LIX1L: variants seen among roughly 807,000 people sequenced by gnomAD.
The protein encoded by LIX1L is LIX1-like protein.
In LIX1L, 20 loss-of-function variants were observed where a neutral mutation model predicts 34.0. The observed-to-expected ratio is 0.59, with a 90% CI of 0.41 to 0.85. The LOEUF (loss-of-function observed/expected upper bound fraction) is 0.85. LIX1L is among the 40% of genes least tolerant of loss of function. The pLI is 0.00. For missense variants in LIX1L, 397 were observed against 447.0 expected (o/e 0.89, Z 1.01); for synonymous variants, 170 against 187.4 (o/e 0.91, Z 0.76).
In LIX1L at chr1:145,946,187, A is replaced by T. The variant is rs190164337; in HGVS notation, c.456+1432T>A. 3.8e-3 allele frequency among the ~76,000 whole-genome samples: 579 copies of T among 151,050 alleles called. 5 individuals are homozygous for T. Among genetic ancestry groups the T allele is most frequent in the South Asian group, 0.027 (132 of 4,804 alleles). On this transcript the variant is annotated intron_variant, in intron 2 of 5. Transcript: ENST00000604000. Reference sequence around the variant, plus strand: ...CTTGGGTATATAGTTATTTCTCTGAAATGACTGAAGTTCTTTTTTTTTTTT... The same window carrying T: ...CTTGGGTATATAGTTATTTCTCTGATATGACTGAAGTTCTTTTTTTTTTTT...
chr1:145,945,549 C>T (rs1489477836), intron 2 of LIX1L, among the ~76,000 whole-genome samples: 1 of 150,798 alleles, frequency 6.6e-6, no homozygotes, highest in Non-Finnish European at 1.5e-5. Flanking sequence ...GAGTTCGAGA[C>T]CAGCCTGGCC....
chr1:145,945,932 C>CAAAAAA (rs782015208), intron 2 of LIX1L, among the ~76,000 whole-genome samples: 1 of 71,914 alleles, frequency 1.4e-5, no homozygotes, highest in African/African-American at 4.7e-5. Flanking sequence ...CTAAAAATAC[C>CAAAAAA]AAAAAAAAAA....
At chr1:145,943,296 G>C (rs1349521851) in intron 2 of LIX1L, among the ~76,000 whole-genome samples, 5 of 152,138 alleles carry the variant, frequency 3.3e-5, no homozygotes, top group Non-Finnish European at 7.3e-5. Context: ...CTGTGTCTAG[G>C]CTGCTTCTAC....
chr1:145,947,659 T>C lies in LIX1L; in HGVS notation c.416A>G (p.Tyr139Cys), dbSNP rs782520288. The change falls in exon 2 of 6, where the codon TAT (tyrosine) becomes TGT (cysteine). Residue 139 changes from tyrosine (Y) to cysteine (C), a missense_variant. By Grantham distance (194) the Tyr-to-Cys change is radical. Around this residue, in one of 3 missense-constraint regions of LIX1L, gnomAD observed 207 missense variants for 205.2 expected, o/e 1.01. Transcript: ENST00000604000. ...GCAGCTTCCCCCAGGCAGGGTGACA[T>C]AGCAGACATAAGGAGGGCTGTTGGA... ...VPSNSPPYVC[Y>C]VTLPGGSCFG... 1.2e-6 allele frequency: 2 copies of C among 1,614,126 alleles called. No individual in the cohort carries two copies. Among genetic ancestry groups the C allele is most frequent in the Non-Finnish European group, 8.5e-7 (1 of 1,180,004 alleles).
intron 4 of LIX1L, 148 bp downstream of exon 4, chr1:145,937,456 G>C: frequency 3.5e-6 from 2 of 574,606 alleles, no homozygotes; most frequent in South Asian, 4.3e-5. Flanking sequence ...ACCATGCCCA[G>C]CCAGGAAGGT....
rs1022421456 is a variant in LIX1L, at chr1:145,935,639, T to G, written c.*671A>C. ...TATCCAGAAATCTAGACTACTAGTA[T>G]GGTATACATATGCCCTAGAAGCAAC... is the stretch of plus-strand genomic sequence containing the variant. On this transcript the variant is annotated 3_prime_UTR_variant, in exon 6 of 6. Transcript: ENST00000604000. The G allele has an allele frequency of 6.5e-6, 1 of 152,788 alleles. No individual in the cohort carries two copies. Among genetic ancestry groups the G allele is most frequent in the Non-Finnish European group, 1.5e-5 (1 of 68,410 alleles). The allele number at this position is 152,788 out of a possible 1,614,324, so 9.5% of individuals were successfully genotyped here. A position where few individuals can be genotyped will look rare whatever the true frequency, so the allele number is the denominator to read the frequency against.
chr1:145,944,174 T>C (rs1007475043), intron 2 of LIX1L, among the ~76,000 whole-genome samples: 2 of 152,054 alleles, frequency 1.3e-5, no homozygotes, highest in Admixed American at 6.6e-5. Flanking sequence ...CTGGGCAACA[T>C]AGTGAGATGC....
Position 145,957,961 on chromosome 1 carries a change from G to A in LIX1L, c.-34C>T. ...CCAATGGAGTAGCGCCCCGGAGCCT[G>A]CCAGCCTGCCGAGCTAACGGTCCCA... On this transcript the variant is annotated 5_prime_UTR_variant, in exon 1 of 6. Coordinates refer to ENST00000604000, the MANE Select transcript of LIX1L (RefSeq NM_153713.3). 1.4e-6 allele frequency: 2 copies of A among 1,385,290 alleles called. No individual in the cohort carries two copies. The highest frequency in any genetic ancestry group is 1.9e-6 in the Non-Finnish European group (2 of 1,058,520). 85.8% of individuals were successfully genotyped at this position (1,385,290 alleles called of 1,614,324 possible).
chr1:145,937,091 C>T, intron 4 of LIX1L, 106 bp from the exon 5 acceptor site: 1 of 671,552 alleles, frequency 1.5e-6, no homozygotes, highest in Non-Finnish European at 2.8e-6. Context: ...AGAAGCATCT[C>T]TCATCACTAA....
intron 3 of LIX1L, chr1:145,942,316 A>G (rs1371252747): frequency 1.3e-5 from 2 of 158,456 alleles, no homozygotes; most frequent in African/African-American, 2.4e-5. Flanking sequence ...GAAGTAATGG[A>G]GGCAGGAGAC....
Position 145,951,314 on chromosome 1 carries a change from C to T in LIX1L, c.293-3532G>A, listed in dbSNP as rs1018543361. On this transcript the variant is annotated intron_variant, in intron 1 of 5. Transcript: ENST00000604000. ...CACCTGCCTCGGCCTCCCAAACTGC[C>T]GGGATTACAGGCGTGAGCCACCGCG... Among the ~76,000 whole-genome samples, 4 of 152,048 alleles carry T rather than the reference C, an allele frequency of 2.6e-5. No individual in the cohort carries two copies. In the South Asian group the frequency reaches 6.2e-4, roughly 24 times the overall value.
chr1:145,957,972 G>C lies in LIX1L; in HGVS notation c.-45C>G, dbSNP rs782023931. On this transcript the variant is annotated 5_prime_UTR_variant, in exon 1 of 6. Transcript: ENST00000604000. ...GCGCCCCGGAGCCTGCCAGCCTGCCGAGCTAACGGTCCCAACCACCCCAGT... is the reference window on the plus strand; with the variant it reads ...GCGCCCCGGAGCCTGCCAGCCTGCCCAGCTAACGGTCCCAACCACCCCAGT... The C allele has an allele frequency of 3.0e-6, 4 of 1,347,962 alleles. No homozygotes were observed. The highest frequency in any genetic ancestry group is 3.9e-6 in the Non-Finnish European group (4 of 1,030,126). The allele number at this position is 1,347,962 out of a possible 1,614,324, so 83.5% of individuals were successfully genotyped here. A position where few individuals can be genotyped will look rare whatever the true frequency, so the allele number is the denominator to read the frequency against.
chr1:145,937,406 G>C (rs1360096735), intron 4 of LIX1L, 198 bp downstream of exon 4: 1 of 421,976 alleles, frequency 2.4e-6, no homozygotes, highest in Admixed American at 4.1e-5. Context: ...TGATCCACCC[G>C]CCTCAGCCTC....
intron 1 of LIX1L, among the ~76,000 whole-genome samples, chr1:145,952,319 A>G (rs1553759894): frequency 6.6e-6 from 1 of 152,188 alleles, no homozygotes; most frequent in African/African-American, 2.4e-5. Flanking sequence ...TGGAGCACCC[A>G]AATTTTGTAT....
intron 1 of LIX1L, among the ~76,000 whole-genome samples, chr1:145,954,571 T>C (rs2101909556): frequency 6.6e-6 from 1 of 152,292 alleles, no homozygotes; most frequent in East Asian, 1.9e-4. Flanking sequence ...AGGATAGCAA[T>C]ACTTCCAAAA....
At position 145,957,935 on chromosome 1, in the gene LIX1L, G is replaced by A; in HGVS notation, c.-8C>T. On this transcript the variant is annotated 5_prime_UTR_variant, in exon 1 of 6. Transcript: ENST00000604000. Reference sequence around the variant, plus strand: ...CGCTCGCATAGTCTCCATCCCGGCCGCCAATGGAGTAGCGCCCCGGAGCCT... The same window carrying A: ...CGCTCGCATAGTCTCCATCCCGGCCACCAATGGAGTAGCGCCCCGGAGCCT... The A allele has an allele frequency of 3.4e-6, 5 of 1,469,942 alleles. No homozygotes were observed. The South Asian group carries it at 4.0e-5, about 12-fold the overall frequency. 91.1% of individuals were successfully genotyped at this position (1,469,942 alleles called of 1,614,324 possible).
At chr1:145,943,583 G>A (rs1648999608) in intron 2 of LIX1L, among the ~76,000 whole-genome samples, 1 of 152,156 alleles carries the variant, frequency 6.6e-6, no homozygotes, top group Admixed American at 6.5e-5. Context: ...CATAGAACAA[G>A]TCTGATCTGC....
chr1:145,957,840 C>A lies in LIX1L; in HGVS notation c.88G>T (p.Gly30Trp), dbSNP rs1649545894. The change falls in exon 1 of 6, where the codon GGG (glycine) becomes TGG (tryptophan). Residue 30 changes from glycine to tryptophan, a missense_variant. Around this residue, in one of 3 missense-constraint regions of LIX1L, gnomAD observed 207 missense variants for 205.2 expected, o/e 1.01. Transcript: ENST00000604000. ...GGTGTGGCGGTGGCGGCCGCGGCCC[C>A]AGTCACTCCGGGCCGCAGCGCTCGG... Reference protein sequence around the residue: ...TLRALRPGVTGAAAATATPPA... With the variant: ...TLRALRPGVTWAAAATATPPA... The A allele has an allele frequency of 7.0e-7, 1 of 1,423,370 alleles. No individual in the cohort carries two copies. The highest frequency in any genetic ancestry group is 2.4e-4 in the Middle Eastern group (1 of 4,094). 88.2% of individuals were successfully genotyped at this position (1,423,370 alleles called of 1,614,324 possible).
chr1:145,947,907 G>A (rs917450407), intron 1 of LIX1L, 125 bp from the exon 2 acceptor site: 10 of 759,302 alleles, frequency 1.3e-5, no homozygotes, highest in African/African-American at 8.6e-5. Flanking sequence ...CCTACCTATC[G>A]CCATTGAAAA....
Sources: allele counts gnomAD v4.1 joint callset (sites outside exome capture counted in the v4.1 genomes callset), GRCh38; gene constraint gnomAD v4.1.1; regional missense constraint gnomAD v4.1.1; transcripts MANE v1.5; gene names NCBI Gene and HGNC (gene_info 2026-07-23, HGNC 2026-07-21).